FER1L5: variants seen among roughly 807,000 people sequenced by gnomAD.
The protein encoded by FER1L5 is fer-1-like protein 5.
Under a neutral mutation model 279.9 loss-of-function variants are expected in FER1L5, and 187 were observed. The observed-to-expected ratio is 0.67, with a 90% confidence interval of 0.59 to 0.75. The LOEUF (loss-of-function observed/expected upper bound fraction) is 0.75, where lower values mean the gene tolerates loss of function less well. FER1L5 is among the 30% of genes least tolerant of loss of function. The pLI is 0.00. For missense variants in FER1L5, 2,091 were observed against 2,594.4 expected (o/e 0.81, Z 4.21); for synonymous variants, 921 against 989.7 (o/e 0.93, Z 1.30).
Position 96,684,461 on chromosome 2 carries a change from G to C in FER1L5, c.1794+10G>C. The C allele has an allele frequency of 6.5e-7, 1 of 1,548,892 alleles. No individual in the cohort carries two copies. The highest frequency in any genetic ancestry group is 1.7e-4 in the Middle Eastern group (1 of 5,974). On this transcript the variant is annotated intron_variant, in intron 20 of 52. Coordinates refer to ENST00000624922, the MANE Select transcript of FER1L5 (RefSeq NM_001293083.2). ...CACTCGGGACCGCCTGGTGAGTGGT[G>C]CGGGAGCCGATGCTGGGAAGACACC...
rs1425179265 is a variant in FER1L5 at position 96,700,105 on chromosome 2, A to T, written c.4930+25A>T. On this transcript the variant is annotated intron_variant, in intron 44 of 52. Transcript: ENST00000624922. ...GGTGAGCAGCGCAGAACACTAGCAG[A>T]AAGCACAGACACAGGCCTCTGGAAG... is the stretch of plus-strand genomic sequence containing the variant. 1.9e-6 allele frequency: 3 copies of T among 1,613,168 alleles called. No homozygotes were observed. The East Asian group carries it at 6.7e-5, about 36-fold the overall frequency.
chr2:96,662,157 A>C, intron 12 of FER1L5, 58 bp from the exon 13 acceptor site: 1 of 1,519,292 alleles, frequency 6.6e-7, no homozygotes, highest in Middle Eastern at 1.7e-4. Flanking sequence ...TCGCCACCCT[A>C]TTTCCTCCTC....
intron 14 of FER1L5, among the ~76,000 whole-genome samples, chr2:96,664,361 C>T (rs2076057215): frequency 6.6e-6 from 1 of 152,170 alleles, no homozygotes; most frequent in Non-Finnish European, 1.5e-5. Flanking sequence ...CCCCTCCCAT[C>T]CCCAGGCAAC....
At position 96,694,079 on chromosome 2, in the gene FER1L5, G is replaced by A. The variant is rs1288442686; in HGVS notation, c.3636+7G>A. 15 of 1,538,344 alleles carry A rather than the reference G, an allele frequency of 9.8e-6. No individual in the cohort carries two copies. The African/African-American group carries it at 1.1e-4, about 11-fold the overall frequency. On this transcript the variant is annotated splice_region_variant and intron_variant, in intron 33 of 52. Transcript: ENST00000624922. The surrounding 1 kb of genome is among the most constrained non-coding windows in gnomAD (Gnocchi z 4.6). ...GCTGATCCTCCAGACTGAGGTATTG[G>A]GAGAGAGGGCCTGGCTGGGAAGTGT...
intron 14 of FER1L5, among the ~76,000 whole-genome samples, chr2:96,665,545 G>A (rs1353354190): frequency 6.6e-6 from 1 of 151,956 alleles, no homozygotes. Context: ...GATGTTCTGT[G>A]GCTGTTCAGA....
rs764117961 is a variant in FER1L5 at position 96,689,756 on chromosome 2, G to A, written c.2638G>A (p.Val880Met). The change falls in exon 26 of 53, where the codon GTG becomes ATG. Residue 880 changes from valine to methionine, a missense_variant and splice_region_variant. Transcript: ENST00000624922. This position sits in a 1 kb window ranked among gnomAD's most constrained non-coding sequence, Gnocchi z 4.6. ...WGPAAIPNTD[V>M]NGQPMEAREN... is the part of the protein sequence containing the mutation. ...GCCTGCCGCCATCCCAAACACAGAC[G>A]TGGTGAGCAGGGCCGAAGCTGCCTC... 9 of 1,547,382 alleles carry A rather than the reference G, an allele frequency of 5.8e-6. No homozygotes were observed. Among genetic ancestry groups the A allele is most frequent in the East Asian group, 2.4e-5 (1 of 40,904 alleles).
rs768379364 is a variant in FER1L5 at position 96,691,148 on chromosome 2, C to T, written c.2744-42C>T. The stretch of plus-strand genomic sequence containing the variant: ...GGGTTTGTCCAGGCCTCCCAACCTG[C>T]GGGCACCTGAGGACTCAGAGGCCAT... On this transcript the variant is annotated intron_variant, in intron 27 of 52. Transcript: ENST00000624922. The surrounding 1 kb of genome is among the most constrained non-coding windows in gnomAD (Gnocchi z 6.0). The T allele has an allele frequency of 3.3e-5, 50 of 1,512,066 alleles. No homozygotes were observed. The highest frequency in any genetic ancestry group is 2.0e-4 in the South Asian group (16 of 79,278). The allele number at this position is 1,512,066 out of a possible 1,614,324, so 93.7% of individuals were successfully genotyped here. A position where few individuals can be genotyped will look rare whatever the true frequency, so the allele number is the denominator to read the frequency against.
intron 21 of FER1L5, among the ~76,000 whole-genome samples, 174 bp downstream of exon 21, chr2:96,685,603 C>T (rs2106634254): frequency 6.6e-6 from 1 of 152,300 alleles, no homozygotes; most frequent in Admixed American, 6.5e-5. Context: ...CCATTCAGGC[C>T]CCCTGACCGC....
chr2:96,700,246 C>A, intron 44 of FER1L5, 86 bp from the exon 45 acceptor site: 1 of 1,586,728 alleles, frequency 6.3e-7, no homozygotes, highest in South Asian at 1.1e-5. Context: ...CCTACCCAGG[C>A]TGCGGTCGGG....
Position 96,704,520 on chromosome 2 carries a change from T to C in FER1L5, c.6002T>C (p.Ile2001Thr). 1 of 1,613,868 alleles carries C rather than the reference T, an allele frequency of 6.2e-7. No homozygotes were observed. Among genetic ancestry groups the C allele is most frequent in the African/African-American group, 1.3e-5 (1 of 74,990 alleles). The stretch of plus-strand genomic sequence containing the variant: ...CCTCAACTTCAGCTGTATCCTCCCA[T>C]TAAAATATTCAATATCATCAATTCA... Reference protein sequence around the residue: ...IKPQLQLYPPIKIFNIINSLN... With the variant: ...IKPQLQLYPPTKIFNIINSLN... The change falls in exon 53 of 53, where the codon ATT (isoleucine) becomes ACT (threonine). Residue 2001 changes from isoleucine to threonine, a missense_variant. Physicochemically the swap from Ile to Thr is moderately conservative, Grantham distance 89. Transcript: ENST00000624922.
rs769337167 is a variant in FER1L5 at position 96,691,939 on chromosome 2, C to A, written c.3190C>A (p.Pro1064Thr). The A allele has an allele frequency of 2.1e-5, 32 of 1,550,500 alleles. No homozygotes were observed. The South Asian group carries it at 3.3e-4, about 16-fold the overall frequency. The part of the protein sequence containing the change: ...QRQDTRPPNL[P>T]FIYCTFNKPH... The stretch of plus-strand genomic sequence containing the variant: ...GCAGGACACCCGGCCCCCCAACTTG[C>A]CCTTCATCTACTGCACCTTCAATAG... The change falls in exon 30 of 53, where the codon CCC (proline) becomes ACC (threonine). Residue 1064 changes from proline (P) to threonine (T), a missense_variant. Transcript: ENST00000624922. This position sits in a 1 kb window ranked among gnomAD's most constrained non-coding sequence, Gnocchi z 6.0.
chr2:96,651,994 A>T lies in FER1L5; in HGVS notation c.607A>T (p.Met203Leu). ...CCAGCAGCACCAGACACGCATCAAG[A>T]TGGGAAACAACCCTTTCTTTAATGA... ...AGQQHQTRIK[M>L]GNNPFFNEIF... The change falls in exon 7 of 53, where the codon ATG becomes TTG. Residue 203 changes from methionine (M) to leucine (L), a missense_variant. By Grantham distance (15) the Met-to-Leu change is conservative (BLOSUM62 2). Transcript: ENST00000624922. 6.4e-7 allele frequency: 1 copy of T among 1,551,802 alleles called. No individual in the cohort carries two copies.
intron 6 of FER1L5, 70 bp downstream of exon 6, chr2:96,650,359 C>A: frequency 7.8e-7 from 1 of 1,281,150 alleles, no homozygotes; most frequent in Non-Finnish European, 1.1e-6. Context: ...TCCCAGGCCA[C>A]CTCACCCCTC....
intron 9 of FER1L5, among the ~76,000 whole-genome samples, chr2:96,658,103 C>T (rs757980889): frequency 2.0e-5 from 3 of 151,598 alleles, no homozygotes; most frequent in Non-Finnish European, 4.4e-5. Context: ...TGCAACCTCC[C>T]CCTCCTGGGT....
At position 96,653,687 on chromosome 2, in the gene FER1L5, G is replaced by A. The variant is rs2075476839; in HGVS notation, c.681G>A (p.Glu227=). 1 of 1,551,310 alleles carries A rather than the reference G, an allele frequency of 6.4e-7. No homozygotes were observed. Among genetic ancestry groups the A allele is most frequent in the Non-Finnish European group, 8.7e-7 (1 of 1,146,928 alleles). ...FHEVPAKFFD[E]TILIQVVNSS... is the part of the protein sequence containing the mutation. ...AGGTTCCTGCAAAGTTCTTTGATGA[G>A]ACCATCTTAATCCAGGTGAGGAGCC... The change falls in exon 8 of 53, where the codon GAG becomes GAA. Residue 227 remains glutamate (E), a synonymous_variant. Coordinates refer to ENST00000624922, the MANE Select transcript of FER1L5 (RefSeq NM_001293083.2).
chr2:96,690,550 G>C lies in FER1L5; in HGVS notation c.2704G>C (p.Asp902His). 6.4e-7 allele frequency: 1 copy of C among 1,551,700 alleles called. No homozygotes were observed. The highest frequency in any genetic ancestry group is 8.7e-7 in the Non-Finnish European group (1 of 1,146,974). ...KCPQGWHFKK[D>H]WVVELNHAVD... is the part of the protein sequence containing the mutation. ...CCCCCAAGGCTGGCACTTTAAGAAG[G>C]ACTGGGTGGTGGAGCTGAACCACGC... is the stretch of plus-strand genomic sequence containing the variant. Residue 902 changes from aspartate (D) to histidine (H), a missense_variant, in exon 27 of 53, where the codon GAC becomes CAC. Asp to His is a moderately conservative substitution (Grantham distance 81). Transcript: ENST00000624922.
chr2:96,685,414 T>G lies in FER1L5; in HGVS notation c.1880T>G (p.Leu627Arg). ...LYQWEKLLRE[L>R]AEDCKRPLPC... ...CAGTGGGAGAAACTGCTGAGGGAGC[T>G]GGCAGAGGACTGCAAGTAGGAGTAG... Residue 627 changes from leucine to arginine, a missense_variant, in exon 21 of 53, where the codon CTG (leucine) becomes CGG (arginine). By Grantham distance (102) the Leu-to-Arg change is moderately radical. Coordinates refer to ENST00000624922, the MANE Select transcript of FER1L5 (RefSeq NM_001293083.2). The G allele has an allele frequency of 6.4e-7, 1 of 1,550,746 alleles. No homozygotes were observed. Among genetic ancestry groups the G allele is most frequent in the Middle Eastern group, 1.7e-4 (1 of 5,978 alleles).
At chr2:96,662,341 G>T (rs1400658194) in intron 13 of FER1L5, 74 bp downstream of exon 13, 1 of 1,383,148 alleles carries the variant, frequency 7.2e-7, no homozygotes, top group Non-Finnish European at 1.0e-6. Flanking sequence ...AGGGTGGCCT[G>T]GTGGGCAAGA....
At chr2:96,667,690 A>C (rs1430874515) in intron 14 of FER1L5, among the ~76,000 whole-genome samples, 1 of 152,130 alleles carries the variant, frequency 6.6e-6, no homozygotes, top group Admixed American at 6.5e-5. Context: ...CTGTTTAAAA[A>C]GTTGATGGCT....
Sources: gnomAD v4.1 joint callset for allele counts (sites outside exome capture counted in the v4.1 genomes callset) on GRCh38, gnomAD v4.1.1 for gene constraint, Gnocchi (gnomAD v3.1) non-coding constraint, MANE v1.5 for transcripts, NCBI Gene and HGNC (gene_info 2026-07-23, HGNC 2026-07-21) for gene names.